The following ARHGAP15 variants were observed in gnomAD, a reference collection of about 807,000 sequenced individuals.
The protein encoded by ARHGAP15 is Rho GTPase activating protein 15, also known as rho GTPase-activating protein 15.
Under a neutral mutation model 63.7 loss-of-function variants are expected in ARHGAP15, and 51 were observed. That is an observed-to-expected ratio of 0.80 (90% CI 0.64 to 1.01). The LOEUF (loss-of-function observed/expected upper bound fraction) is 1.01, where lower values mean the gene tolerates loss of function less well. Among genes scored for constraint, ARHGAP15 ranks in the 50% least tolerant of loss-of-function variants. The pLI is 0.00. For synonymous variants in ARHGAP15, 191 were observed against 193.8 expected (o/e 0.99, Z 0.12); for missense variants, 560 against 564.6 (o/e 0.99, Z 0.08).
chr2:143,280,691 T>C (rs954007195), intron 6 of ARHGAP15, among the ~76,000 whole-genome samples: 1 of 152,132 alleles, frequency 6.6e-6, no homozygotes, highest in African/African-American at 2.4e-5. Context: ...TGTGAAGCAT[T>C]CACAGCCAAG....
chr2:143,384,909 C>T (rs1214934436), intron 6 of ARHGAP15, among the ~76,000 whole-genome samples: 1 of 152,154 alleles, frequency 6.6e-6, no homozygotes, highest in Non-Finnish European at 1.5e-5. Flanking sequence ...AAAAACTTTT[C>T]CCCTAATATC....
intron 12 of ARHGAP15, among the ~76,000 whole-genome samples, chr2:143,663,111 T>G (rs1178257264): frequency 7.8e-4 from 85 of 109,044 alleles, no homozygotes; most frequent in Middle Eastern, 8.6e-3. Flanking sequence ...GACACATAAT[T>G]GTCAGATTCA....
At chr2:143,134,905 G>A (rs1037917489) in intron 1 of ARHGAP15, among the ~76,000 whole-genome samples, 8 of 152,056 alleles carry the variant, frequency 5.3e-5, no homozygotes, top group South Asian at 2.1e-4. Context: ...CCAAAGTGCT[G>A]GGATTACAGG....
chr2:143,579,698 G>A (rs1696815237), intron 11 of ARHGAP15, among the ~76,000 whole-genome samples: 2 of 132,608 alleles, frequency 1.5e-5, no homozygotes, highest in Admixed American at 1.4e-4. Flanking sequence ...TTTGTCGAGG[G>A]AAGAATAGTG....
At chr2:143,673,758 G>GTA (rs70982879) in intron 12 of ARHGAP15, among the ~76,000 whole-genome samples, 861 of 22,134 alleles carry the variant, frequency 0.039, 64 homozygotes, top group African/African-American at 0.065. Flanking sequence ...GTGTGTGTGT[G>GTA]TATATATATA....
At chr2:143,241,465 T>C (rs1416098345) in intron 5 of ARHGAP15, among the ~76,000 whole-genome samples, 1 of 152,226 alleles carries the variant, frequency 6.6e-6, no homozygotes, top group Non-Finnish European at 1.5e-5. Context: ...TCGTTATTAC[T>C]ACATGAAGCA....
intron 11 of ARHGAP15, among the ~76,000 whole-genome samples, chr2:143,573,481 A>G (rs908825995): frequency 2.0e-5 from 3 of 152,166 alleles, no homozygotes; most frequent in African/African-American, 7.2e-5. Context: ...TGCCGACTTG[A>G]TTAATTGTTA....
At chr2:143,153,882 C>CTCCTCCTCT (rs1558779886) in intron 1 of ARHGAP15, among the ~76,000 whole-genome samples, 1 of 80,678 alleles carries the variant, frequency 1.2e-5, no homozygotes, top group Non-Finnish European at 2.9e-5. Context: ...CTTCCTCCTC[C>CTCCTCCTCT]TCCTCCTCCT....
At chr2:143,633,001 T>C (rs572405873) in intron 12 of ARHGAP15, among the ~76,000 whole-genome samples, 2 of 152,222 alleles carry the variant, frequency 1.3e-5, no homozygotes, top group South Asian at 4.1e-4. Context: ...GAGCAGGGTG[T>C]AAAGGTTCAT....
intron 11 of ARHGAP15, among the ~76,000 whole-genome samples, chr2:143,599,704 T>C (rs1421423678): frequency 1.3e-5 from 2 of 152,220 alleles, no homozygotes; most frequent in African/African-American, 2.4e-5. Flanking sequence ...TCCAATATTT[T>C]CACACAGTTA....
At chr2:143,411,470 C>T (rs918806720) in intron 6 of ARHGAP15, among the ~76,000 whole-genome samples, 17 of 152,086 alleles carry the variant, frequency 1.1e-4, no homozygotes, top group African/African-American at 4.1e-4. Context: ...ACTTTGCTTC[C>T]GTTAACTTCT....
At chr2:143,175,066 G>A (rs1269550641) in intron 2 of ARHGAP15, among the ~76,000 whole-genome samples, 1 of 152,122 alleles carries the variant, frequency 6.6e-6, no homozygotes, top group African/African-American at 2.4e-5. Flanking sequence ...TGCATAATCT[G>A]AAAGTGGACA....
intron 6 of ARHGAP15, among the ~76,000 whole-genome samples, chr2:143,297,971 G>T (rs569842934): frequency 6.6e-6 from 1 of 151,806 alleles, no homozygotes; most frequent in Admixed American, 6.6e-5. Flanking sequence ...CCTTTAGCTC[G>T]GCCCATTCCT....
chr2:143,448,204 A>T (rs1690235682), intron 8 of ARHGAP15, among the ~76,000 whole-genome samples: 1 of 152,158 alleles, frequency 6.6e-6, no homozygotes, highest in Admixed American at 6.6e-5. Context: ...GGAATGTGCA[A>T]AACATTGGGG....
At chr2:143,433,690 C>T (rs190863649) in intron 6 of ARHGAP15, among the ~76,000 whole-genome samples, 75 of 152,124 alleles carry the variant, frequency 4.9e-4, no homozygotes, top group African/African-American at 1.7e-3. Context: ...CTTTCGTAAA[C>T]CCTCATAATA....
At chr2:143,133,223 G>A (rs1366759400) in intron 1 of ARHGAP15, among the ~76,000 whole-genome samples, 1 of 152,144 alleles carries the variant, frequency 6.6e-6, no homozygotes, top group Admixed American at 6.5e-5. Flanking sequence ...CATTGCAAGG[G>A]ACAGGAAGGA....
chr2:143,236,075 CCA>C, intron 5 of ARHGAP15: 3 of 1,378,886 alleles, frequency 2.2e-6, no homozygotes, highest in Non-Finnish European at 2.9e-6. Flanking sequence ...TTTAGAACAT[CCA>C]TTCATTTATT....
chr2:143,209,824 A>AGG (rs1294017545), intron 3 of ARHGAP15, among the ~76,000 whole-genome samples: 2 of 152,184 alleles, frequency 1.3e-5, no homozygotes, highest in Non-Finnish European at 2.9e-5. Context: ...GAGGAGAGAG[A>AGG]GGCAGTGCCC....
At chr2:143,353,738 T>G (rs1685679674) in intron 6 of ARHGAP15, among the ~76,000 whole-genome samples, 1 of 151,988 alleles carries the variant, frequency 6.6e-6, no homozygotes, top group Non-Finnish European at 1.5e-5. Context: ...GTTGATTGAC[T>G]GGGAAACTAA....
Sources: allele counts gnomAD v4.1 joint callset (sites outside exome capture counted in the v4.1 genomes callset), GRCh38; gene constraint gnomAD v4.1.1; transcripts MANE v1.5; gene names NCBI Gene and HGNC (gene_info 2026-07-23, HGNC 2026-07-21).